Variants in STAG1 observed in about 807,000 individuals in gnomAD.
The protein encoded by STAG1 is cohesin subunit SA-1.
In STAG1, 26 loss-of-function variants were observed where a neutral mutation model predicts 170.9. The observed-to-expected ratio is 0.15, with a 90% CI of 0.11 to 0.21. STAG1 has a LOEUF of 0.21. Among genes scored for constraint, STAG1 ranks in the 10% least tolerant of loss-of-function variants. The pLI is 1.00. For missense variants in STAG1, 964 were observed against 1,509.5 expected (o/e 0.64, Z 5.99); for synonymous variants, 514 against 497.7 (o/e 1.03, Z -0.44).
intron 1 of STAG1, among the ~76,000 whole-genome samples, chr3:136,668,678 C>T (rs186147479): frequency 6.6e-6 from 1 of 152,148 alleles, no homozygotes; most frequent in East Asian, 1.9e-4. Flanking sequence ...CAGCAGAGAA[C>T]TCGAGAGAAG....
chr3:136,737,058 A>G (rs1934382423), intron 1 of STAG1: 1 of 1,297,844 alleles, frequency 7.7e-7, no homozygotes, highest in African/African-American at 1.5e-5. Flanking sequence ...GATCTGAAGA[A>G]CCTCAAATGG....
chr3:136,637,593 C>T (rs551997394), intron 1 of STAG1, among the ~76,000 whole-genome samples: 17 of 152,232 alleles, frequency 1.1e-4, no homozygotes, highest in African/African-American at 3.9e-4. Context: ...TTAAGAGTTT[C>T]GGTTCTGGGG....
At chr3:136,640,954 C>A (rs1305271877) in intron 1 of STAG1, among the ~76,000 whole-genome samples, 1 of 152,208 alleles carries the variant, frequency 6.6e-6, no homozygotes, top group Admixed American at 6.5e-5. Flanking sequence ...GGATTACAGG[C>A]GTGAGCCACT....
intron 11 of STAG1, 109 bp downstream of exon 11, chr3:136,473,430 A>G (rs1377214301): frequency 1.2e-6 from 1 of 805,004 alleles, no homozygotes; most frequent in Non-Finnish European, 1.9e-6. Flanking sequence ...GACTGCTGTA[A>G]TAAAGAATAT....
chr3:136,727,427 A>T (rs1265673087), intron 1 of STAG1, among the ~76,000 whole-genome samples: 2 of 152,232 alleles, frequency 1.3e-5, no homozygotes, highest in Non-Finnish European at 2.9e-5. Context: ...AGAAAATGGC[A>T]TGTAATGAAT....
At chr3:136,575,989 C>T (rs1937442456) in intron 4 of STAG1, among the ~76,000 whole-genome samples, 4 of 152,120 alleles carry the variant, frequency 2.6e-5, no homozygotes, top group Non-Finnish European at 5.9e-5. Flanking sequence ...TGCCCCTCTG[C>T]CTACTAATAT....
chr3:136,618,428 C>A (rs1283272094), intron 3 of STAG1, among the ~76,000 whole-genome samples: 1 of 152,182 alleles, frequency 6.6e-6, no homozygotes, highest in Non-Finnish European at 1.5e-5. Flanking sequence ...CCTTGCCTTG[C>A]TGAGAATTAA....
intron 1 of STAG1, among the ~76,000 whole-genome samples, chr3:136,671,895 A>C (rs1245566324): frequency 2.6e-5 from 4 of 152,224 alleles, no homozygotes; most frequent in African/African-American, 7.2e-5. Context: ...AAAGAGAAAG[A>C]AAAAGAAAAA....
intron 1 of STAG1, among the ~76,000 whole-genome samples, chr3:136,638,937 G>C (rs144968945): frequency 2.6e-5 from 4 of 152,010 alleles, no homozygotes; most frequent in Admixed American, 2.0e-4. Context: ...GTTATTGATT[G>C]GATTGCTCTA....
chr3:136,526,811 T>C (rs1478277902), intron 6 of STAG1, among the ~76,000 whole-genome samples: 1 of 152,182 alleles, frequency 6.6e-6, no homozygotes, highest in African/African-American at 2.4e-5. Context: ...CTCTTAGCAT[T>C]TGTTTGTCTC....
chr3:136,473,495 T>A, intron 11 of STAG1, 44 bp downstream of exon 11: 2 of 1,427,218 alleles, frequency 1.4e-6, no homozygotes, highest in Non-Finnish European at 2.0e-6. Context: ...AACTAGCATT[T>A]GTAAAGAGAA....
At chr3:136,589,366 G>A (rs1354316856) in intron 4 of STAG1, among the ~76,000 whole-genome samples, 3 of 152,154 alleles carry the variant, frequency 2.0e-5, no homozygotes, top group African/African-American at 7.2e-5. Flanking sequence ...TTAGCAAGGT[G>A]TGGTGGCGTG....
intron 1 of STAG1, among the ~76,000 whole-genome samples, chr3:136,705,321 AAATC>A (rs1559962211): frequency 1.3e-5 from 2 of 152,200 alleles, no homozygotes; most frequent in South Asian, 2.1e-4. Context: ...TATCATAAGA[AAATC>A]AATCAATGTA....
intron 29 of STAG1, 196 bp downstream of exon 29, chr3:136,348,962 C>T: frequency 1.7e-6 from 1 of 588,082 alleles, no homozygotes; most frequent in Non-Finnish European, 3.0e-6. Context: ...CTCCATGCTT[C>T]CTCAACTTCT....
chr3:136,395,816 TGAG>T (rs918591725), intron 22 of STAG1, among the ~76,000 whole-genome samples: 3 of 151,896 alleles, frequency 2.0e-5, no homozygotes, highest in Admixed American at 1.3e-4. Flanking sequence ...ATCAGAAGGG[TGAG>T]AATAAAAGCA....
intron 6 of STAG1, among the ~76,000 whole-genome samples, chr3:136,533,394 A>G (rs1454354657): frequency 6.6e-6 from 1 of 151,982 alleles, no homozygotes. Flanking sequence ...TATTTTTTGC[A>G]TTACTATAAA....
At position 136,453,788 on chromosome 3, in the gene STAG1, A is replaced by G. The variant is rs114077725; in HGVS notation, c.1314-1641T>C. ...AAAACGGTATATGTATATAGCATGT[A>G]CTAGTTTATACATAAAAGTCAGAGT... On this transcript the variant is annotated intron_variant, in intron 13 of 33. Transcript: ENST00000383202. Among the ~76,000 whole-genome samples, 894 of 151,860 alleles carry G rather than the reference A, an allele frequency of 5.9e-3. 9 individuals are homozygous for G. Among genetic ancestry groups the G allele is most frequent in the African/African-American group, 0.02 (832 of 41,436 alleles).
chr3:136,345,314 C>G (rs1488475409), intron 29 of STAG1, among the ~76,000 whole-genome samples: 8 of 152,138 alleles, frequency 5.3e-5, no homozygotes, highest in Non-Finnish European at 4.4e-5. Flanking sequence ...AAATGGAACT[C>G]CTGACCTCAA....
chr3:136,710,214 A>G (rs1237998382), intron 1 of STAG1, among the ~76,000 whole-genome samples: 1 of 152,120 alleles, frequency 6.6e-6, no homozygotes, highest in Non-Finnish European at 1.5e-5. Context: ...TGTCCTTAAG[A>G]CCCAGAAAAG....
Sources: gnomAD v4.1 joint callset for allele counts (sites outside exome capture counted in the v4.1 genomes callset) on GRCh38, gnomAD v4.1.1 for gene constraint, MANE v1.5 for transcripts, NCBI Gene and HGNC (gene_info 2026-07-23, HGNC 2026-07-21) for gene names.